Variants in RTN3 observed in about 807,000 individuals in gnomAD.
RTN3 encodes reticulon-3.
A neutral mutation model predicts 77.8 loss-of-function variants in RTN3; 49 were observed. The observed-to-expected ratio is 0.63, with a 90% CI of 0.50 to 0.80. The LOEUF is 0.80. Ranked by LOEUF, RTN3 falls within the 30% of genes least tolerant of loss-of-function variation. The pLI is 0.00. For synonymous variants in RTN3, 464 were observed against 446.9 expected (o/e 1.04, Z -0.48); for missense variants, 1,236 against 1,211.9 (o/e 1.02, Z -0.29).
rs905408139 is a variant in RTN3 at position 63,753,695 on chromosome 11, A to G, written c.2981A>G (p.Tyr994Cys). The change falls in exon 7 of 9, where the codon TAT (tyrosine) becomes TGT (cysteine). Residue 994 changes from tyrosine to cysteine, a missense_variant. By Grantham distance (194) the Tyr-to-Cys change is radical (BLOSUM62 -2). Transcript: ENST00000377819. Reference sequence around the variant, plus strand: ...CTCATTTTCAGTGTCCCGATTGTCTATGAGAAGTACAAGGTAAGCATTTAT... The same window carrying G: ...CTCATTTTCAGTGTCCCGATTGTCTGTGAGAAGTACAAGGTAAGCATTTAT... Reference protein sequence around the residue: ...ELLIFSVPIVYEKYKTQIDHY... With the variant: ...ELLIFSVPIVCEKYKTQIDHY... 3.7e-6 allele frequency: 6 copies of G among 1,613,686 alleles called. No homozygotes were observed. The highest frequency in any genetic ancestry group is 1.6e-4 in the Middle Eastern group (1 of 6,084).
chr11:63,695,021 A>G (rs914983055), intron 1 of RTN3, among the ~76,000 whole-genome samples: 19 of 152,220 alleles, frequency 1.2e-4, no homozygotes, highest in Non-Finnish European at 2.9e-5. Flanking sequence ...TCCAGTTACT[A>G]GTTACTACTC....
chr11:63,752,420 G>A (rs2014154221), intron 4 of RTN3, 87 bp from the exon 5 acceptor site: 1 of 1,346,710 alleles, frequency 7.4e-7, no homozygotes, highest in Non-Finnish European at 1.0e-6. Context: ...TGCACCCTGG[G>A]AACCAATTTT....
chr11:63,700,282 C>CTTTTTTTTT lies in RTN3; in HGVS notation c.143-4566_143-4558dup, dbSNP rs753369954. On this transcript the variant is annotated intron_variant, in intron 1 of 8. Transcript: ENST00000377819. Reference sequence around the variant, plus strand: ...GAGATAGGAAAACATGATTCTTTTACTTTTTTTTTTTAAGGTAAGGTCTCA... The same window carrying CTTTTTTTTT: ...GAGATAGGAAAACATGATTCTTTTACTTTTTTTTTTTTTTTTTTTTAAGGTAAGGTCTCA... Among the ~76,000 whole-genome samples, 459 of 133,428 alleles carry CTTTTTTTTT rather than the reference C, an allele frequency of 3.4e-3. 72 individuals are homozygous for CTTTTTTTTT. Among genetic ancestry groups the CTTTTTTTTT allele is most frequent in the Middle Eastern group, 7.9e-3 (2 of 254 alleles). The allele number at this position is 133,428 out of a possible 152,430, so 87.5% of individuals were successfully genotyped here. A position where few individuals can be genotyped will look rare whatever the true frequency, so the allele number is the denominator to read the frequency against.
intron 1 of RTN3, among the ~76,000 whole-genome samples, chr11:63,697,439 T>C (rs1272512210): frequency 2.6e-5 from 4 of 151,062 alleles, no homozygotes; most frequent in African/African-American, 9.7e-5. Flanking sequence ...CCAAGTCAAG[T>C]AGCTGGGATA....
intron 2 of RTN3, chr11:63,714,060 T>C (rs535161337): frequency 1.5e-4 from 78 of 517,636 alleles, no homozygotes; most frequent in Non-Finnish European, 2.2e-4. Context: ...AAAAGGCTTA[T>C]TAGTTTTTGG....
chr11:63,709,514 G>A (rs534206931), intron 2 of RTN3, among the ~76,000 whole-genome samples: 2 of 151,914 alleles, frequency 1.3e-5, no homozygotes, highest in Admixed American at 1.3e-4. Context: ...TCTGGAATAG[G>A]AAGTTACAAC....
Position 63,720,719 on chromosome 11 carries a change from A to G in RTN3, c.2217A>G (p.Glu739=). 6.2e-7 allele frequency: 1 copy of G among 1,614,180 alleles called. No homozygotes were observed. Residue 739 remains glutamate, a synonymous_variant, in exon 3 of 9, where the codon GAA becomes GAG. Transcript: ENST00000377819. The part of the protein sequence containing the change: ...QGTPVASLDL[E]QEQLTIKALK... The stretch of plus-strand genomic sequence containing the variant: ...CTCCAGTAGCATCTCTTGACTTAGA[A>G]CAAGAACAGCTCACAATTAAGGCTC...
At chr11:63,744,649 A>AAT (rs1187680911) in intron 3 of RTN3, among the ~76,000 whole-genome samples, 1 of 152,200 alleles carries the variant, frequency 6.6e-6, no homozygotes, top group African/African-American at 2.4e-5. Context: ...TTAGTACATA[A>AAT]CTGTACTATA....
At chr11:63,744,240 CAAAAAAAAA>C (rs71468642) in intron 3 of RTN3, among the ~76,000 whole-genome samples, 4 of 63,622 alleles carry the variant, frequency 6.3e-5, no homozygotes, top group Admixed American at 2.8e-4. Flanking sequence ...GACTCTGTCT[CAAAAAAAAA>C]AAAAAAAAAA....
chr11:63,731,023 G>GT (rs2012653387), intron 3 of RTN3, among the ~76,000 whole-genome samples: 1 of 151,960 alleles, frequency 6.6e-6, no homozygotes, highest in South Asian at 2.1e-4. Context: ...GCATTCATTG[G>GT]TATCGATAAT....
chr11:63,724,173 C>CTTTTTTTT (rs958114305), intron 3 of RTN3, among the ~76,000 whole-genome samples: 4 of 85,464 alleles, frequency 4.7e-5, no homozygotes, highest in African/African-American at 1.5e-4. Flanking sequence ...TTTAGGAATT[C>CTTTTTTTT]TTTTTTTTTT....
intron 3 of RTN3, chr11:63,746,962 C>T (rs2013832699): frequency 2.2e-6 from 1 of 456,068 alleles, no homozygotes; most frequent in Non-Finnish European, 4.4e-6. Flanking sequence ...AGTCTAGGAT[C>T]ACACTTTGTG....
At chr11:63,685,038 G>A (rs1941292887) in intron 1 of RTN3, among the ~76,000 whole-genome samples, 1 of 152,116 alleles carries the variant, frequency 6.6e-6, no homozygotes, top group Admixed American at 6.5e-5. Context: ...GGGATTACAG[G>A]CATGAGCCAC....
rs1006035234 is a variant in RTN3 at position 63,759,620 on chromosome 11, C to G, written c.*1419C>G. The G allele has an allele frequency of 6.6e-6, 1 of 152,560 alleles. No individual in the cohort carries two copies. The highest frequency in any genetic ancestry group is 2.4e-5 in the African/African-American group (1 of 41,414). The allele number at this position is 152,560 out of a possible 1,614,324, so 9.5% of individuals were successfully genotyped here. On this transcript the variant is annotated 3_prime_UTR_variant, in exon 9 of 9. Transcript: ENST00000377819. ...GTCAGTGATTGTCTTTTTGGGCTTC[C>G]CCTCCAAAGGACCTTCTGCAGTGGA... is the stretch of plus-strand genomic sequence containing the variant.
chr11:63,721,149 A>G, intron 3 of RTN3, 117 bp downstream of exon 3: 2 of 867,100 alleles, frequency 2.3e-6, no homozygotes, highest in Admixed American at 5.5e-5. Flanking sequence ...ATACAAAAAC[A>G]ATATGCTGTA....
chr11:63,693,844 G>A (rs1360946628), intron 1 of RTN3, among the ~76,000 whole-genome samples: 1 of 151,914 alleles, frequency 6.6e-6, no homozygotes, highest in Non-Finnish European at 1.5e-5. Flanking sequence ...GACTCTGGCC[G>A]GGCACAGTGG....
intron 2 of RTN3, among the ~76,000 whole-genome samples, chr11:63,712,297 A>G (rs779633326): frequency 2.5e-4 from 38 of 151,970 alleles, no homozygotes; most frequent in Non-Finnish European, 4.4e-4. Context: ...TTTTTTGAGA[A>G]TGTGGTGTTT....
At chr11:63,708,324 G>A (rs1942593259) in intron 2 of RTN3, among the ~76,000 whole-genome samples, 1 of 152,014 alleles carries the variant, frequency 6.6e-6, no homozygotes, top group Non-Finnish European at 1.5e-5. Flanking sequence ...TAAGCAATAT[G>A]TAGTAATAAT....
chr11:63,717,716 C>T (rs2011490232), intron 2 of RTN3, among the ~76,000 whole-genome samples: 2 of 152,078 alleles, frequency 1.3e-5, no homozygotes, highest in South Asian at 4.1e-4. Flanking sequence ...CAAGTTAGTA[C>T]AAGAGATTTT....
Sources: allele counts gnomAD v4.1 joint callset (sites outside exome capture counted in the v4.1 genomes callset), GRCh38; gene constraint gnomAD v4.1.1; transcripts MANE v1.5; gene names NCBI Gene and HGNC (gene_info 2026-07-23, HGNC 2026-07-21).